GTF2H1: variants seen among roughly 807,000 people sequenced by gnomAD.
The protein encoded by GTF2H1 is BTF2 p62.
Under a neutral mutation model 71.2 loss-of-function variants are expected in GTF2H1, and 16 were observed. The ratio of observed to expected loss-of-function variants is 0.22; its 90% CI spans 0.15 to 0.34. The LOEUF (loss-of-function observed/expected upper bound fraction) is 0.34, where lower values mean the gene tolerates loss of function less well. Among genes scored for constraint, GTF2H1 ranks in the 10% least tolerant of loss-of-function variants. GTF2H1 has a pLI of 1.00. For missense variants in GTF2H1, 498 were observed against 648.2 expected (o/e 0.77, Z 2.52); for synonymous variants, 215 against 219.0 (o/e 0.98, Z 0.16).
intron 1 of GTF2H1, among the ~76,000 whole-genome samples, chr11:18,323,716 C>T (rs1388920176): frequency 2.0e-5 from 3 of 152,166 alleles, no homozygotes; most frequent in East Asian, 3.8e-4. Context: ...ATATATAAAG[C>T]AGCATGCTCT....
intron 2 of GTF2H1, among the ~76,000 whole-genome samples, chr11:18,335,409 T>C (rs573569143): frequency 4.6e-5 from 7 of 152,212 alleles, no homozygotes; most frequent in Non-Finnish European, 1.0e-4. Flanking sequence ...AATGTTGATT[T>C]GGGGCAGTTT....
chr11:18,326,676 CCTGTAAGT>C (rs1355448168), intron 1 of GTF2H1, among the ~76,000 whole-genome samples: 1 of 152,082 alleles, frequency 6.6e-6, no homozygotes, highest in Non-Finnish European at 1.5e-5. Context: ...TTTATTTGTG[CCTGTAAGT>C]CCAGTTAATT....
intron 11 of GTF2H1, among the ~76,000 whole-genome samples, chr11:18,357,523 C>A (rs1468432931): frequency 6.6e-6 from 1 of 152,018 alleles, no homozygotes; most frequent in African/African-American, 2.4e-5. Flanking sequence ...TCAAGTTCAG[C>A]CTGGGCAACA....
At chr11:18,327,364 C>T (rs1188876628) in intron 1 of GTF2H1, among the ~76,000 whole-genome samples, 1 of 151,496 alleles carries the variant, frequency 6.6e-6, no homozygotes, top group East Asian at 1.9e-4. Flanking sequence ...GGTATCTATC[C>T]CTTCATTCGC....
intron 14 of GTF2H1, among the ~76,000 whole-genome samples, chr11:18,365,322 G>T (rs1221281163): frequency 6.6e-6 from 1 of 152,060 alleles, no homozygotes; most frequent in African/African-American, 2.4e-5. Flanking sequence ...AGGCTGCAGT[G>T]AGCCAAAATC....
At chr11:18,346,185 C>T (rs945160504) in intron 7 of GTF2H1, among the ~76,000 whole-genome samples, 3 of 152,182 alleles carry the variant, frequency 2.0e-5, no homozygotes, top group Admixed American at 2.0e-4. Flanking sequence ...TCTCATGACA[C>T]AATATGTACT....
At chr11:18,336,026 T>A in intron 3 of GTF2H1, 80 bp downstream of exon 3, 1 of 960,954 alleles carries the variant, frequency 1.0e-6, no homozygotes, top group Non-Finnish European at 1.5e-6. Context: ...TTGTTAGCTA[T>A]CCCCACGTTT....
intron 1 of GTF2H1, chr11:18,325,839 C>T (rs989381193): frequency 2.0e-5 from 3 of 152,202 alleles, no homozygotes; most frequent in African/African-American, 7.2e-5. Context: ...AAGTCTTAGA[C>T]CATTTCATAA....
intron 1 of GTF2H1, among the ~76,000 whole-genome samples, chr11:18,324,052 A>ATT (rs11287920): frequency 6.8e-6 from 1 of 146,010 alleles, no homozygotes; most frequent in Non-Finnish European, 1.5e-5. Context: ...CTCAGCCGAC[A>ATT]TTTTTTTTTT....
At chr11:18,356,334 C>T (rs1865544166) in intron 11 of GTF2H1, among the ~76,000 whole-genome samples, 1 of 147,280 alleles carries the variant, frequency 6.8e-6, no homozygotes, top group East Asian at 2.0e-4. Flanking sequence ...GCCGAGATCG[C>T]ACCACTGCAC....
In GTF2H1 at chr11:18,356,182, A is replaced by G. The variant is rs542565857; in HGVS notation, c.1261-1770A>G. Among the ~76,000 whole-genome samples the G allele has an allele frequency of 3.8e-4, 58 of 152,150 alleles. 2 individuals carry two copies. The East Asian group carries it at 0.011, about 28-fold the overall frequency. On this transcript the variant is annotated intron_variant, in intron 11 of 14. Transcript: ENST00000265963. ...GCAGATCACTTGAGAGCTCTAGACC[A>G]CCCTGGCCAACATGGCAAAACCCCG...
chr11:18,365,874 GC>G lies in GTF2H1; in HGVS notation c.*7del. 1.2e-6 allele frequency: 2 copies of G among 1,602,970 alleles called. No individual in the cohort carries two copies. The highest frequency in any genetic ancestry group is 1.7e-6 in the Non-Finnish European group (2 of 1,170,076). On this transcript the variant is annotated 3_prime_UTR_variant, in exon 15 of 15. Transcript: ENST00000265963. Reference sequence around the variant, plus strand: ...CGTCTGATGAAGAAAACGTGAGGTGGCCATGATGCTTACAGGTTTTGTGAGA... The same window carrying G: ...CGTCTGATGAAGAAAACGTGAGGTGGCATGATGCTTACAGGTTTTGTGAGA...
At chr11:18,327,552 G>A (rs984872664) in intron 1 of GTF2H1, among the ~76,000 whole-genome samples, 1 of 152,148 alleles carries the variant, frequency 6.6e-6, no homozygotes, top group Non-Finnish European at 1.5e-5. Flanking sequence ...ACTGGGGACT[G>A]AGATAATGCC....
chr11:18,334,431 G>A (rs1278282006), intron 2 of GTF2H1, among the ~76,000 whole-genome samples: 1 of 152,148 alleles, frequency 6.6e-6, no homozygotes, highest in Non-Finnish European at 1.5e-5. Flanking sequence ...CTAGCTAATA[G>A]CCTTAGCTAC....
intron 11 of GTF2H1, among the ~76,000 whole-genome samples, chr11:18,353,651 G>A (rs188287534): frequency 6.6e-6 from 1 of 152,216 alleles, no homozygotes; most frequent in East Asian, 1.9e-4. Context: ...CCTTTTCTCC[G>A]TTTTTATGAG....
chr11:18,343,444 C>A (rs1391398282), intron 7 of GTF2H1, among the ~76,000 whole-genome samples: 1 of 152,068 alleles, frequency 6.6e-6, no homozygotes, highest in Non-Finnish European at 1.5e-5. Flanking sequence ...TTGGTTGATG[C>A]CATTTTTCAT....
intron 6 of GTF2H1, 38 bp from the exon 7 acceptor site, chr11:18,341,490 T>TA (rs1316964672): frequency 1.2e-6 from 2 of 1,604,348 alleles, no homozygotes; most frequent in Admixed American, 3.4e-5. Flanking sequence ...CTGAGACAGA[T>TA]AAGACATGCT....
At chr11:18,327,207 AT>A (rs1864787941) in intron 1 of GTF2H1, among the ~76,000 whole-genome samples, 1 of 152,114 alleles carries the variant, frequency 6.6e-6, no homozygotes, top group Non-Finnish European at 1.5e-5. Context: ...CTTTATAAAC[AT>A]TTGGTTTGAT....
At position 18,336,903 on chromosome 11, in the gene GTF2H1, C is replaced by T. The variant is rs1397855105; in HGVS notation, c.347+957C>T. On this transcript the variant is annotated intron_variant, in intron 3 of 14. Transcript: ENST00000265963. ...CCAAGTATCTGGTATCACAGGCACA[C>T]GCCACCACACTTGGCCAATTTTTCT... is the stretch of plus-strand genomic sequence containing the variant. Among the ~76,000 whole-genome samples, 3 of 151,990 alleles carry T rather than the reference C, an allele frequency of 2.0e-5. 1 individual carries two copies. The highest frequency in any genetic ancestry group is 4.2e-4 in the South Asian group (2 of 4,810).
Sources: gnomAD v4.1 joint callset for allele counts (sites outside exome capture counted in the v4.1 genomes callset) on GRCh38, gnomAD v4.1.1 for gene constraint, MANE v1.5 for transcripts, NCBI Gene and HGNC (gene_info 2026-07-23, HGNC 2026-07-21) for gene names.